The following TMTC1 variants were observed in gnomAD, a reference collection of about 807,000 sequenced individuals.
TMTC1 encodes the protein protein O-mannosyl-transferase TMTC1.
Under a neutral mutation model 104.8 loss-of-function variants are expected in TMTC1, and 73 were observed. The ratio of observed to expected loss-of-function variants is 0.70; its 90% confidence interval spans 0.58 to 0.85. TMTC1 has a LOEUF of 0.85. Ranked by LOEUF, TMTC1 falls within the 40% of genes least tolerant of loss-of-function variation. The pLI, the probability that TMTC1 is intolerant of heterozygous loss-of-function variation, is 0.00. For missense variants in TMTC1, 1,035 were observed against 1,096.1 expected, an observed-to-expected ratio of 0.94 and a Z score of 0.79; for synonymous variants, 434 against 428.7, an observed-to-expected ratio of 1.01 and a Z score of -0.15.
At chr12:29,657,324 T>A (rs1386411513) in intron 5 of TMTC1, among the ~76,000 whole-genome samples, 2 of 152,186 alleles carry the variant, frequency 1.3e-5, no homozygotes, top group African/African-American at 2.4e-5. Context: ...CTGGCACAGC[T>A]AAAAATATCT....
intron 5 of TMTC1, among the ~76,000 whole-genome samples, chr12:29,662,127 A>G (rs1940058063): frequency 6.6e-6 from 1 of 152,228 alleles, no homozygotes; most frequent in Non-Finnish European, 1.5e-5. Flanking sequence ...ATCAAATAGC[A>G]TAAACCGCAA....
At chr12:29,568,740 T>G (rs757223665) in intron 9 of TMTC1, 8 of 341,026 alleles carry the variant, frequency 2.3e-5, no homozygotes, top group Middle Eastern at 1.0e-3. Context: ...ATATCTTGAC[T>G]TTATTCAGGG....
At chr12:29,605,794 T>C (rs368680765) in intron 6 of TMTC1, among the ~76,000 whole-genome samples, 143 of 152,310 alleles carry the variant, frequency 9.4e-4, no homozygotes, top group African/African-American at 3.3e-3. Flanking sequence ...CTTGGGCTTC[T>C]ATTGTTTCTG....
intron 9 of TMTC1, among the ~76,000 whole-genome samples, chr12:29,561,600 C>A (rs1261257505): frequency 1.3e-5 from 2 of 152,186 alleles, no homozygotes; most frequent in African/African-American, 2.4e-5. Context: ...TTAACCTCAA[C>A]TAAAGATCCA....
At chr12:29,752,144 C>CACACACACACAG (rs1943107651) in intron 4 of TMTC1, among the ~76,000 whole-genome samples, 1 of 151,880 alleles carries the variant, frequency 6.6e-6, no homozygotes, top group African/African-American at 2.4e-5. Flanking sequence ...CACACACACA[C>CACACACACACAG]ACACACTCAA....
chr12:29,699,686 A>G (rs1941528632), intron 5 of TMTC1, among the ~76,000 whole-genome samples: 2 of 114,438 alleles, frequency 1.7e-5, no homozygotes, highest in African/African-American at 3.5e-5. Context: ...ACAGGGTCTC[A>G]CTGTCACCCA....
chr12:29,727,705 A>G (rs1942434437), intron 5 of TMTC1, among the ~76,000 whole-genome samples: 1 of 152,206 alleles, frequency 6.6e-6, no homozygotes, highest in Non-Finnish European at 1.5e-5. Flanking sequence ...TCAAATATTA[A>G]GAGGATTTAT....
At chr12:29,544,754 T>TA (rs1944896208) in intron 10 of TMTC1, among the ~76,000 whole-genome samples, 1 of 152,232 alleles carries the variant, frequency 6.6e-6, no homozygotes, top group South Asian at 2.1e-4. Context: ...GGTAGGGACC[T>TA]AAAAGGGAAG....
rs186321373 is a variant in TMTC1, at chr12:29,503,482, A to G, written c.*3364T>C. The G allele has an allele frequency of 1.3e-5, 2 of 152,354 alleles. No individual in the cohort carries two copies. Among genetic ancestry groups the G allele is most frequent in the African/African-American group, 4.8e-5 (2 of 41,594 alleles). 9.4% of individuals were successfully genotyped at this position (152,354 alleles called of 1,614,324 possible). On this transcript the variant is annotated 3_prime_UTR_variant, in exon 18 of 18. Coordinates refer to ENST00000539277, the MANE Select transcript of TMTC1 (RefSeq NM_001193451.2). ...CTTCTACATCAAAGGATACAAAAAG[A>G]AATGGACACTTATCAGGGATTTTGA...
chr12:29,584,320 C>T (rs1430206484), intron 7 of TMTC1, among the ~76,000 whole-genome samples: 1 of 152,156 alleles, frequency 6.6e-6, no homozygotes, highest in Non-Finnish European at 1.5e-5. Context: ...TTTCTGCCTG[C>T]CACTTGGACA....
At chr12:29,578,986 G>A (rs1468374231) in intron 8 of TMTC1, among the ~76,000 whole-genome samples, 1 of 152,138 alleles carries the variant, frequency 6.6e-6, no homozygotes, top group Non-Finnish European at 1.5e-5. Flanking sequence ...TTTAGTCCTT[G>A]CTGTAACTTA....
At chr12:29,549,837 A>G (rs1945047596) in intron 10 of TMTC1, among the ~76,000 whole-genome samples, 1 of 152,194 alleles carries the variant, frequency 6.6e-6, no homozygotes, top group Admixed American at 6.5e-5. Flanking sequence ...ATAAGGAATG[A>G]ATTTTCAACA....
intron 10 of TMTC1, among the ~76,000 whole-genome samples, chr12:29,554,773 AG>A (rs1479134331): frequency 6.6e-6 from 1 of 152,160 alleles, no homozygotes; most frequent in Non-Finnish European, 1.5e-5. Context: ...TGAGTCTGGG[AG>A]GCAGAGGTTG....
chr12:29,603,083 G>A (rs764185461), intron 7 of TMTC1, among the ~76,000 whole-genome samples: 2 of 152,112 alleles, frequency 1.3e-5, no homozygotes, highest in Non-Finnish European at 2.9e-5. Flanking sequence ...GAATTGTGTT[G>A]TATTTCTGTC....
intron 6 of TMTC1, among the ~76,000 whole-genome samples, chr12:29,626,436 A>G (rs1298578983): frequency 6.6e-6 from 1 of 152,220 alleles, no homozygotes; most frequent in East Asian, 1.9e-4. Flanking sequence ...ACTAATTGGC[A>G]TGCCAGAGTT....
intron 7 of TMTC1, among the ~76,000 whole-genome samples, chr12:29,592,817 A>G (rs1055385523): frequency 2.0e-5 from 3 of 152,246 alleles, no homozygotes; most frequent in Admixed American, 6.5e-5. Context: ...ATTAAACATT[A>G]TACTATAATG....
chr12:29,670,718 T>G (rs1437062410), intron 5 of TMTC1, among the ~76,000 whole-genome samples: 1 of 150,978 alleles, frequency 6.6e-6, no homozygotes, highest in African/African-American at 2.4e-5. Flanking sequence ...TGCTTGAGCT[T>G]AGGAGTTCCA....
chr12:29,636,081 T>C (rs1413781679), intron 5 of TMTC1, among the ~76,000 whole-genome samples: 1 of 152,254 alleles, frequency 6.6e-6, no homozygotes, highest in Non-Finnish European at 1.5e-5. Context: ...AGAGTGCTCG[T>C]CTTTTAGAAA....
intron 1 of TMTC1, among the ~76,000 whole-genome samples, chr12:29,774,613 A>G (rs528935922): frequency 1.3e-5 from 2 of 152,098 alleles, no homozygotes; most frequent in African/African-American, 4.8e-5. Flanking sequence ...CTTTTTCCCA[A>G]CCTCTTGCCA....
Sources: allele counts gnomAD v4.1 joint callset (sites outside exome capture counted in the v4.1 genomes callset), GRCh38; gene constraint gnomAD v4.1.1; transcripts MANE v1.5; gene names NCBI Gene and HGNC (gene_info 2026-07-23, HGNC 2026-07-21).